ATP2B2: variants seen among roughly 807,000 people sequenced by gnomAD.
ATP2B2 encodes the protein plasma membrane calcium-transporting ATPase 2.
A neutral mutation model predicts 120.0 loss-of-function variants in ATP2B2; 15 were observed. The ratio of observed to expected loss-of-function variants is 0.12; its 90% CI spans 0.08 to 0.19. ATP2B2 has a LOEUF of 0.19. ATP2B2 is among the 10% of genes least tolerant of loss of function. The pLI, the probability that ATP2B2 is intolerant of heterozygous loss-of-function variation, is 1.00. For missense variants in ATP2B2, 1,045 were observed against 1,719.8 expected (o/e 0.61, Z 6.94); for synonymous variants, 694 against 700.3 (o/e 0.99, Z 0.14).
intron 1 of ATP2B2, among the ~76,000 whole-genome samples, 151 bp from the exon 2 acceptor site, chr3:10,450,013 C>A (rs1198831053): frequency 6.6e-6 from 1 of 152,054 alleles, no homozygotes; most frequent in Non-Finnish European, 1.5e-5. Context: ...ACTGTAAATC[C>A]AATGCTACTA....
At chr3:10,438,551 T>C (rs967265857) in intron 2 of ATP2B2, among the ~76,000 whole-genome samples, 3 of 152,184 alleles carry the variant, frequency 2.0e-5, no homozygotes, top group South Asian at 2.1e-4. Flanking sequence ...GGCAGGTGGG[T>C]CCTAGGGAGC....
chr3:10,513,353 TAAAAGGAGGCCCGG>T (rs745456363), intron 3 of ATP2B2, among the ~76,000 whole-genome samples: 7 of 151,754 alleles, frequency 4.6e-5, no homozygotes, highest in Non-Finnish European at 8.8e-5. Flanking sequence ...CTCAATGAAT[TAAAAGGAGGCCCGG>T]ATGGCTGGGG....
intron 2 of ATP2B2, among the ~76,000 whole-genome samples, chr3:10,611,533 C>A (rs2069238104): frequency 6.6e-6 from 1 of 152,058 alleles, no homozygotes; most frequent in African/African-American, 2.4e-5. Flanking sequence ...TCAAGGAGCT[C>A]CCTGAGCCTA....
Position 10,329,568 on chromosome 3 carries a change from G to C in ATP2B2, c.3421-443C>G, listed in dbSNP as rs2059925224. 6.6e-6 allele frequency among the ~76,000 whole-genome samples: 1 copy of C among 152,042 alleles called. No homozygotes were observed. The highest frequency in any genetic ancestry group is 1.5e-5 in the Non-Finnish European group (1 of 68,010). On this transcript the variant is annotated intron_variant, in intron 22 of 22. Coordinates refer to ENST00000360273, the MANE Select transcript of ATP2B2 (RefSeq NM_001001331.4). The surrounding 1 kb of genome is among the most constrained non-coding windows in gnomAD (Gnocchi z 5.9). ...GAGGCTATTAAAAAAATTCATCTTAGGAAAACCACACACAGTTAAGAAACC... is the reference window on the plus strand; with the variant it reads ...GAGGCTATTAAAAAAATTCATCTTACGAAAACCACACACAGTTAAGAAACC...
intron 1 of ATP2B2, among the ~76,000 whole-genome samples, chr3:10,627,113 T>C (rs375274234): frequency 1.3e-5 from 2 of 152,210 alleles, no homozygotes; most frequent in South Asian, 2.1e-4. Flanking sequence ...CAGCATCCTG[T>C]GGCTCCTTTA....
rs749583445 is a variant in ATP2B2 at position 10,358,655 on chromosome 3, T to C, written c.2136+36A>G. 1.9e-6 allele frequency: 3 copies of C among 1,610,082 alleles called. No individual in the cohort carries two copies. The African/African-American group carries it at 4.0e-5, about 22-fold the overall frequency. On this transcript the variant is annotated intron_variant, in intron 14 of 22. Coordinates refer to ENST00000360273, the MANE Select transcript of ATP2B2 (RefSeq NM_001001331.4). ...CCTGGTGGCTGGCCTCCCAGCCTCA[T>C]CCCCTTTCCCTGAGCTCGCTGGCCC...
At chr3:10,545,165 G>T (rs1271351699) in intron 2 of ATP2B2, among the ~76,000 whole-genome samples, 1 of 152,212 alleles carries the variant, frequency 6.6e-6, no homozygotes, top group Non-Finnish European at 1.5e-5. Flanking sequence ...ACTGTATGAT[G>T]CCATTTTAAA....
intron 1 of ATP2B2, among the ~76,000 whole-genome samples, chr3:10,636,533 C>A (rs933360094): frequency 6.6e-6 from 1 of 152,162 alleles, no homozygotes; most frequent in Non-Finnish European, 1.5e-5. Flanking sequence ...ACTTCTGTTT[C>A]CAGCCAAGAA....
intron 6 of ATP2B2, 92 bp downstream of exon 6, chr3:10,388,185 C>T (rs2061738481): frequency 6.3e-7 from 1 of 1,592,872 alleles, no homozygotes; most frequent in Admixed American, 1.7e-5. Context: ...GTAGAAGGCA[C>T]TCAATAACTA....
At chr3:10,504,561 CACCCCCCCA>C (rs984362247) in intron 1 of ATP2B2, among the ~76,000 whole-genome samples, 3 of 130,770 alleles carry the variant, frequency 2.3e-5, no homozygotes, top group African/African-American at 5.2e-5. Context: ...CAGTCCAGAG[CACCCCCCCA>C]ACCCCCAACC....
intron 2 of ATP2B2, among the ~76,000 whole-genome samples, chr3:10,423,622 C>A (rs1559320167): frequency 6.6e-6 from 1 of 152,202 alleles, no homozygotes; most frequent in Non-Finnish European, 1.5e-5. Flanking sequence ...GCCCCTTATT[C>A]CTCCTTCTGG....
intron 2 of ATP2B2, among the ~76,000 whole-genome samples, chr3:10,575,005 C>T (rs56295854): frequency 0.058 from 8,817 of 152,226 alleles, 443 homozygotes; most frequent in East Asian, 0.29. Context: ...GGCTGGGACA[C>T]ACCCAGACCC....
At chr3:10,441,140 C>G (rs1312805779) in intron 2 of ATP2B2, among the ~76,000 whole-genome samples, 3 of 152,228 alleles carry the variant, frequency 2.0e-5, no homozygotes, top group Non-Finnish European at 2.9e-5. Flanking sequence ...GTAAGGGGAT[C>G]TGGAAGGGGT....
intron 1 of ATP2B2, among the ~76,000 whole-genome samples, chr3:10,654,630 CAT>C (rs1412884632): frequency 6.6e-5 from 10 of 152,048 alleles, no homozygotes; most frequent in Non-Finnish European, 8.8e-5. Flanking sequence ...CTCCCTCCAG[CAT>C]AGATTTATCC....
chr3:10,419,089 C>T (rs2062885998), intron 2 of ATP2B2, among the ~76,000 whole-genome samples: 1 of 152,234 alleles, frequency 6.6e-6, no homozygotes, highest in African/African-American at 2.4e-5. Flanking sequence ...CCACAGTGTT[C>T]ACCTCTGTGA....
At chr3:10,484,682 G>A (rs760952011) in intron 1 of ATP2B2, among the ~76,000 whole-genome samples, 1 of 152,164 alleles carries the variant, frequency 6.6e-6, no homozygotes, top group East Asian at 1.9e-4. Flanking sequence ...GGGTTGAGCC[G>A]TAACTCTGAG....
At chr3:10,504,652 C>T (rs7623837) in intron 1 of ATP2B2, among the ~76,000 whole-genome samples, 35,951 of 151,742 alleles carry the variant, frequency 0.24, 4,993 homozygotes, top group South Asian at 0.34. Flanking sequence ...TGCTGCTGTC[C>T]GCAACCCACC....
At chr3:10,493,940 T>C (rs1041090600) in intron 1 of ATP2B2, among the ~76,000 whole-genome samples, 8 of 152,162 alleles carry the variant, frequency 5.3e-5, no homozygotes, top group African/African-American at 1.7e-4. Flanking sequence ...CCAGTTCATA[T>C]CACATGGCCA....
chr3:10,562,063 C>T (rs1235286843), intron 2 of ATP2B2, among the ~76,000 whole-genome samples: 1 of 152,214 alleles, frequency 6.6e-6, no homozygotes, highest in East Asian at 1.9e-4. Flanking sequence ...CTCGACAAGA[C>T]AACGTTCCTG....
Sources: allele counts gnomAD v4.1 joint callset (sites outside exome capture counted in the v4.1 genomes callset), GRCh38; gene constraint gnomAD v4.1.1; non-coding constraint Gnocchi (gnomAD v3.1); transcripts MANE v1.5; gene names NCBI Gene and HGNC (gene_info 2026-07-23, HGNC 2026-07-21).